Variants in RSU1 observed in about 807,000 individuals in gnomAD.
RSU1 encodes the protein Ras suppressor protein 1.
In RSU1, 26 loss-of-function variants were observed where a neutral mutation model predicts 31.1. That is an observed-to-expected ratio of 0.84 (90% confidence interval 0.61 to 1.16). The LOEUF (loss-of-function observed/expected upper bound fraction) is 1.16. Ranked by LOEUF, RSU1 falls within the 50% of genes most tolerant of loss-of-function variation. The pLI, the probability that RSU1 is intolerant of heterozygous loss-of-function variation, is 0.00. For synonymous variants in RSU1, 164 were observed against 136.3 expected, an observed-to-expected ratio of 1.20 and a Z score of -1.41; for missense variants, 320 against 339.1, an observed-to-expected ratio of 0.94 and a Z score of 0.44.
intron 2 of RSU1, among the ~76,000 whole-genome samples, chr10:16,798,696 C>A (rs892059310): frequency 2.6e-5 from 4 of 152,166 alleles, no homozygotes; most frequent in Non-Finnish European, 5.9e-5. Context: ...CAGACTAATA[C>A]AATTTTCAAA....
intron 8 of RSU1, among the ~76,000 whole-genome samples, chr10:16,658,120 A>C (rs1358540008): frequency 6.6e-6 from 1 of 152,222 alleles, no homozygotes; most frequent in Non-Finnish European, 1.5e-5. Flanking sequence ...AACATGGAGA[A>C]TTTTAGCAGT....
intron 8 of RSU1, among the ~76,000 whole-genome samples, chr10:16,607,561 C>G (rs1833824935): frequency 6.6e-6 from 1 of 151,430 alleles, no homozygotes; most frequent in African/African-American, 2.4e-5. Flanking sequence ...TGGTAACTAT[C>G]TGGCCTGAGC....
chr10:16,625,137 G>A (rs1390065862), intron 8 of RSU1, among the ~76,000 whole-genome samples: 1 of 152,096 alleles, frequency 6.6e-6, no homozygotes, highest in East Asian at 1.9e-4. Flanking sequence ...GGAAATTCAG[G>A]CAGAATCCGT....
In RSU1 at chr10:16,640,087, TA is replaced by T. The variant is rs535531681; in HGVS notation, c.732-46592del. ...AGTACCCAATCTTTCTGCCTGAGTT[TA>T]AACCAGAAAATCAGAAAAATTATGA... On this transcript the variant is annotated intron_variant, in intron 8 of 8. Coordinates refer to ENST00000345264, the MANE Select transcript of RSU1 (RefSeq NM_012425.4). 1.7e-3 allele frequency among the ~76,000 whole-genome samples: 256 copies of T among 152,264 alleles called. 5 individuals are homozygous for T. In the South Asian group the frequency reaches 0.052, roughly 31 times the overall value.
At chr10:16,673,550 T>C (rs1169837548) in intron 8 of RSU1, among the ~76,000 whole-genome samples, 2 of 152,204 alleles carry the variant, frequency 1.3e-5, no homozygotes, top group Non-Finnish European at 2.9e-5. Flanking sequence ...AGAAGCCCTG[T>C]CTTGACAGGA....
chr10:16,812,260 G>A (rs1280317163), intron 2 of RSU1, among the ~76,000 whole-genome samples: 2 of 152,102 alleles, frequency 1.3e-5, no homozygotes, highest in Non-Finnish European at 2.9e-5. Flanking sequence ...TGGCCAATAT[G>A]GTGAAACCCC....
intron 4 of RSU1, among the ~76,000 whole-genome samples, chr10:16,755,871 A>T (rs1837074585): frequency 6.6e-6 from 1 of 152,224 alleles, no homozygotes; most frequent in South Asian, 2.1e-4. Flanking sequence ...TAATAATTTC[A>T]GTCAGACAGC....
At chr10:16,646,282 G>A (rs1469912110) in intron 8 of RSU1, among the ~76,000 whole-genome samples, 1 of 152,016 alleles carries the variant, frequency 6.6e-6, no homozygotes, top group African/African-American at 2.4e-5. Context: ...CACCAGGTCA[G>A]GAACGCTGTG....
At chr10:16,817,137 G>T (rs1838556382) in intron 1 of RSU1, 53 bp from the exon 2 acceptor site, 1 of 1,333,264 alleles carries the variant, frequency 7.5e-7, no homozygotes, top group Non-Finnish European at 1.1e-6. Context: ...CGCAGAGGCG[G>T]AAAGGCAAGA....
At chr10:16,690,944 G>A (rs1835536996) in intron 8 of RSU1, among the ~76,000 whole-genome samples, 1 of 152,080 alleles carries the variant, frequency 6.6e-6, no homozygotes, top group Non-Finnish European at 1.5e-5. Flanking sequence ...CACAGACACT[G>A]ATAAATATAT....
intron 7 of RSU1, chr10:16,727,006 C>T (rs1049223519): frequency 3.3e-5 from 15 of 454,656 alleles, no homozygotes; most frequent in Non-Finnish European, 6.2e-5. Context: ...CTCTGAACTC[C>T]AGAACATTTG....
intron 8 of RSU1, among the ~76,000 whole-genome samples, chr10:16,612,756 G>A (rs1833915113): frequency 1.3e-5 from 2 of 152,152 alleles, no homozygotes; most frequent in African/African-American, 4.8e-5. Flanking sequence ...ATGTTCGCTA[G>A]TCAGCTCTTC....
intron 2 of RSU1, among the ~76,000 whole-genome samples, chr10:16,813,495 G>A (rs1332294670): frequency 6.6e-6 from 1 of 152,190 alleles, no homozygotes; most frequent in Non-Finnish European, 1.5e-5. Context: ...AACATTTAAT[G>A]TACATTATTG....
chr10:16,732,244 C>G lies in RSU1; in HGVS notation c.598+20295G>C, dbSNP rs188031419. ...ACCACTGCTTTGCATTTTCTCTTAC[C>G]ATTGTTGATTCTGCTATGTGCCAGC... On this transcript the variant is annotated intron_variant, in intron 7 of 8. Transcript: ENST00000345264. Among the ~76,000 whole-genome samples, 193 of 152,264 alleles carry G rather than the reference C, an allele frequency of 1.3e-3. 1 individual carries two copies. The highest frequency in any genetic ancestry group is 4.0e-3 in the African/African-American group (166 of 41,544).
intron 2 of RSU1, among the ~76,000 whole-genome samples, chr10:16,812,975 T>C (rs908074019): frequency 7.3e-6 from 1 of 136,464 alleles, no homozygotes; most frequent in Admixed American, 7.6e-5. Context: ...ATTACGATTA[T>C]GCTGGGAAGC....
intron 7 of RSU1, among the ~76,000 whole-genome samples, chr10:16,711,672 A>T (rs541031313): frequency 3.3e-5 from 5 of 152,202 alleles, no homozygotes; most frequent in African/African-American, 1.2e-4. Flanking sequence ...CATGTTGTTT[A>T]ATTTCCACGT....
Position 16,623,162 on chromosome 10 carries a change from A to G in RSU1, c.732-29666T>C, listed in dbSNP as rs564039674. ...CATGTACTGAGAATAGTTTTTCAAT[A>G]GTTTTTCAAACCTTGCTCCCTCTCT... On this transcript the variant is annotated intron_variant, in intron 8 of 8. Coordinates refer to ENST00000345264, the MANE Select transcript of RSU1 (RefSeq NM_012425.4). 3.0e-4 allele frequency among the ~76,000 whole-genome samples: 45 copies of G among 152,292 alleles called. 1 individual carries two copies. Among genetic ancestry groups the G allele is most frequent in the Middle Eastern group, 6.8e-3 (2 of 292 alleles).
At chr10:16,633,207 G>C (rs1834282217) in intron 8 of RSU1, among the ~76,000 whole-genome samples, 1 of 152,150 alleles carries the variant, frequency 6.6e-6, no homozygotes, top group Non-Finnish European at 1.5e-5. Flanking sequence ...TCCCCAGCGG[G>C]AGTGGGGGTG....
intron 8 of RSU1, among the ~76,000 whole-genome samples, chr10:16,640,819 G>A (rs1359268003): frequency 6.6e-6 from 1 of 152,194 alleles, no homozygotes; most frequent in Non-Finnish European, 1.5e-5. Context: ...CATGCTTTGA[G>A]CTTACATCTA....
Sources: gnomAD v4.1 joint callset for allele counts (sites outside exome capture counted in the v4.1 genomes callset) on GRCh38, gnomAD v4.1.1 for gene constraint, MANE v1.5 for transcripts, NCBI Gene and HGNC (gene_info 2026-07-23, HGNC 2026-07-21) for gene names.